Variants in IQCM observed in about 807,000 individuals in gnomAD.
IQCM encodes the protein IQ domain-containing protein M.
In IQCM, 45 loss-of-function variants were observed where a neutral mutation model predicts 57.6. The ratio of observed to expected loss-of-function variants is 0.78; its 90% CI spans 0.62 to 1.00. IQCM has a LOEUF of 1.00. Among genes scored for constraint, IQCM ranks in the 50% least tolerant of loss-of-function variants. The pLI, the probability that IQCM is intolerant of heterozygous loss-of-function variation, is 0.00. For missense variants in IQCM, 468 were observed against 511.6 expected (o/e 0.91, Z 0.82); for synonymous variants, 148 against 158.9 (o/e 0.93, Z 0.51).
intron 7 of IQCM, among the ~76,000 whole-genome samples, chr4:149,624,878 CA>C (rs1238657486): frequency 6.6e-6 from 1 of 152,072 alleles, no homozygotes; most frequent in Non-Finnish European, 1.5e-5. Context: ...ATGATAAAAC[CA>C]AAGACATTAC....
chr4:149,689,982 C>T (rs1468590478), intron 5 of IQCM, among the ~76,000 whole-genome samples: 2 of 152,174 alleles, frequency 1.3e-5, no homozygotes, highest in East Asian at 3.9e-4. Context: ...ACTAATACAG[C>T]CAGTATGGAA....
chr4:149,601,813 CTT>C (rs995893947), intron 8 of IQCM, among the ~76,000 whole-genome samples: 7 of 151,958 alleles, frequency 4.6e-5, no homozygotes, highest in African/African-American at 1.7e-4. Flanking sequence ...AATCCCAGCA[CTT>C]TGAGAGGCCA....
intron 2 of IQCM, among the ~76,000 whole-genome samples, chr4:149,756,517 T>A (rs1050214312): frequency 6.6e-6 from 1 of 152,036 alleles, no homozygotes; most frequent in Non-Finnish European, 1.5e-5. Flanking sequence ...TCAAAAGTGC[T>A]ACTAAAAAAT....
At chr4:149,693,234 C>T (rs1476950009) in intron 5 of IQCM, among the ~76,000 whole-genome samples, 1 of 152,152 alleles carries the variant, frequency 6.6e-6, no homozygotes, top group African/African-American at 2.4e-5. Context: ...GTGTGTTCCC[C>T]AAAGCTATTT....
rs898561338 is a variant in IQCM, at chr4:149,765,252, C to G, written c.-48-22513G>C. 4.6e-5 allele frequency among the ~76,000 whole-genome samples: 7 copies of G among 151,908 alleles called. 1 individual carries two copies. Among genetic ancestry groups the G allele is most frequent in the Admixed American group, 3.3e-4 (5 of 15,240 alleles). The stretch of plus-strand genomic sequence containing the variant: ...ACAGTCTTCACCTAGATGAGGTGAC[C>G]TCAAGGAGCAATAAAGGTGGCATTA... On this transcript the variant is annotated intron_variant, in intron 2 of 13. Transcript: ENST00000636793.
Position 149,517,544 on chromosome 4 carries a change from A to G in IQCM, c.1228+30911T>C, listed in dbSNP as rs570946751. Among the ~76,000 whole-genome samples the G allele has an allele frequency of 2.2e-4, 33 of 152,282 alleles. No homozygotes were observed. In the South Asian group the frequency reaches 2.9e-3, roughly 13 times the overall value. Reference sequence around the variant, plus strand: ...ATCTCAGGAGATGTGTATGGGTTCAAGTTGACAAGGGGTAGACTTGTGATG... The same window carrying G: ...ATCTCAGGAGATGTGTATGGGTTCAGGTTGACAAGGGGTAGACTTGTGATG... On this transcript the variant is annotated intron_variant, in intron 12 of 13. Coordinates refer to ENST00000636793, the MANE Select transcript of IQCM (RefSeq NM_001363507.2).
chr4:149,614,902 T>C (rs1755649696), intron 8 of IQCM, among the ~76,000 whole-genome samples: 1 of 152,150 alleles, frequency 6.6e-6, no homozygotes, highest in South Asian at 2.1e-4. Flanking sequence ...TCCTGACTCT[T>C]AGGACCACTG....
intron 12 of IQCM, among the ~76,000 whole-genome samples, chr4:149,512,132 A>T (rs1186367904): frequency 1.3e-5 from 2 of 152,228 alleles, no homozygotes; most frequent in African/African-American, 4.8e-5. Context: ...GTGGCTGTCA[A>T]CACTGACTGG....
At chr4:149,706,633 C>T (rs1011900604) in intron 5 of IQCM, among the ~76,000 whole-genome samples, 3 of 151,898 alleles carry the variant, frequency 2.0e-5, no homozygotes, top group African/African-American at 7.2e-5. Context: ...GTTACTAAAC[C>T]AAACTTGAGA....
At chr4:149,657,502 T>C (rs936536820) in intron 7 of IQCM, among the ~76,000 whole-genome samples, 1 of 152,128 alleles carries the variant, frequency 6.6e-6, no homozygotes, top group Non-Finnish European at 1.5e-5. Flanking sequence ...ACAGACAGAA[T>C]TCATCTCCTG....
Position 149,612,716 on chromosome 4 carries a change from T to C in IQCM, c.681+8413A>G, listed in dbSNP as rs1333815599. On this transcript the variant is annotated intron_variant, in intron 8 of 13. Transcript: ENST00000636793. The stretch of plus-strand genomic sequence containing the variant: ...CTGTAAACTACATAAATTAATATAG[T>C]TTTTTCAAAGTAAATATCTATGTCA... Among the ~76,000 whole-genome samples the C allele has an allele frequency of 2.0e-5, 3 of 149,492 alleles. 1 individual carries two copies. The South Asian group carries it at 6.3e-4, about 31-fold the overall frequency.
chr4:149,638,126 A>G (rs1216756032), intron 7 of IQCM, among the ~76,000 whole-genome samples: 2 of 152,210 alleles, frequency 1.3e-5, no homozygotes, highest in African/African-American at 4.8e-5. Context: ...GGCAAAGGAC[A>G]CAGATTATTC....
chr4:149,785,270 T>C (rs1771975461), intron 2 of IQCM, among the ~76,000 whole-genome samples: 1 of 152,188 alleles, frequency 6.6e-6, no homozygotes, highest in Admixed American at 6.5e-5. Context: ...TCATCAAACT[T>C]TTCCTTTGAG....
At chr4:149,436,289 A>G (rs1175235064) in intron 12 of IQCM, among the ~76,000 whole-genome samples, 1 of 152,136 alleles carries the variant, frequency 6.6e-6, no homozygotes, top group Non-Finnish European at 1.5e-5. Flanking sequence ...TATCAGGTCA[A>G]ATAAAATGCC....
rs70965195 is a variant in IQCM at position 149,694,218 on chromosome 4, CTTT to C, written c.386-7753_386-7751del. 1.8e-3 allele frequency among the ~76,000 whole-genome samples: 169 copies of C among 94,814 alleles called. 1 individual carries two copies. The highest frequency in any genetic ancestry group is 6.3e-3 in the African/African-American group (150 of 23,662). 62.2% of individuals were successfully genotyped at this position (94,814 alleles called of 152,430 possible). A position where few individuals can be genotyped will look rare whatever the true frequency, so the allele number is the denominator to read the frequency against. ...GTTTGCCAGTGCCATGGATTAATTT[CTTT>C]TTTTTTTTTTTTTTTTTTTTTGAGA... On this transcript the variant is annotated intron_variant, in intron 5 of 13. Coordinates refer to ENST00000636793, the MANE Select transcript of IQCM (RefSeq NM_001363507.2).
In IQCM at chr4:149,547,258, G is replaced by T. The variant is rs569018172; in HGVS notation, c.1228+1197C>A. Among the ~76,000 whole-genome samples, 12 of 152,280 alleles carry T rather than the reference G, an allele frequency of 7.9e-5. No homozygotes were observed. The South Asian group carries it at 2.5e-3, about 32-fold the overall frequency. ...ATAGTTTGAAGTCAGGTAGCATGAT[G>T]CCTCCAGCTTTGTTAAAAAGTGGTA... On this transcript the variant is annotated intron_variant, in intron 12 of 13. Transcript: ENST00000636793.
chr4:149,550,922 C>T (rs927749142), intron 11 of IQCM, among the ~76,000 whole-genome samples: 1 of 152,174 alleles, frequency 6.6e-6, no homozygotes, highest in Non-Finnish European at 1.5e-5. Flanking sequence ...GTTGGACAGA[C>T]CACCATCTGT....
At chr4:149,799,849 AAAAAAAC>A (rs915954223) in intron 2 of IQCM, among the ~76,000 whole-genome samples, 1 of 126,000 alleles carries the variant, frequency 7.9e-6, no homozygotes, top group East Asian at 3.1e-4. Context: ...GTCTACCAGT[AAAAAAAC>A]AAAAAAACAA....
intron 13 of IQCM, among the ~76,000 whole-genome samples, chr4:149,387,236 G>A (rs528987112): frequency 1.3e-5 from 2 of 151,992 alleles, no homozygotes; most frequent in Non-Finnish European, 2.9e-5. Context: ...GGGCAAACAA[G>A]CTCCTCCAGC....
Sources: allele counts gnomAD v4.1 joint callset (sites outside exome capture counted in the v4.1 genomes callset), GRCh38; gene constraint gnomAD v4.1.1; transcripts MANE v1.5; gene names NCBI Gene and HGNC (gene_info 2026-07-23, HGNC 2026-07-21).